MYOM3: variants seen among roughly 807,000 people sequenced by gnomAD.
The protein encoded by MYOM3 is myomesin-3.
Under a neutral mutation model 191.7 loss-of-function variants are expected in MYOM3, and 155 were observed. The ratio of observed to expected loss-of-function variants is 0.81; its 90% CI spans 0.71 to 0.92. MYOM3 has a LOEUF of 0.92. Among genes scored for constraint, MYOM3 ranks in the 40% least tolerant of loss-of-function variants. MYOM3 has a pLI of 0.00. For missense variants in MYOM3, 1,889 were observed against 1,890.6 expected, an observed-to-expected ratio of 1.00 and a Z score of 0.02; for synonymous variants, 757 against 762.9, an observed-to-expected ratio of 0.99 and a Z score of 0.13.
At chr1:24,082,890 G>T in intron 16 of MYOM3, 176 bp from the exon 17 acceptor site, 1 of 659,162 alleles carries the variant, frequency 1.5e-6, no homozygotes, top group Non-Finnish European at 2.4e-6. Context: ...AGATGACACC[G>T]TGGAGGGGGT....
At chr1:24,082,861 G>T in intron 16 of MYOM3, 147 bp from the exon 17 acceptor site, 1 of 984,368 alleles carries the variant, frequency 1.0e-6, no homozygotes, top group Non-Finnish European at 1.4e-6. Flanking sequence ...TATTGCCCTT[G>T]ATCCCATGGC....
chr1:24,082,336 G>T, intron 17 of MYOM3, 148 bp from the exon 18 acceptor site: 1 of 873,046 alleles, frequency 1.1e-6, no homozygotes, highest in Non-Finnish European at 1.7e-6. Flanking sequence ...CTGTGCCTCA[G>T]GAGGGCATCG....
At chr1:24,095,274 C>T (rs1192933334) in intron 8 of MYOM3, among the ~76,000 whole-genome samples, 168 bp downstream of exon 8, 1 of 152,134 alleles carries the variant, frequency 6.6e-6, no homozygotes, top group African/African-American at 2.4e-5. Context: ...TCTGGGGTAC[C>T]CTGCGGCCTT....
intron 5 of MYOM3, among the ~76,000 whole-genome samples, chr1:24,104,700 C>T (rs1643967924): frequency 6.6e-6 from 1 of 152,168 alleles, no homozygotes. Flanking sequence ...CAGGTGCAGG[C>T]CACATGCCCA....
chr1:24,074,180 C>T lies in MYOM3; in HGVS notation c.2948G>A (p.Ser983Asn). The change falls in exon 23 of 37, where the codon AGC becomes AAC. Residue 983 changes from serine to asparagine, a missense_variant. Physicochemically the swap from Ser to Asn is conservative, Grantham distance 46 (BLOSUM62 1). Transcript: ENST00000374434. ...VTDADEDISA[S>N]HTLTEEELEK... ...ATTACCTTCCTCGGTTAGCGTGTGG[C>T]TTGCGGAGATGTCTTCATCGGCATC... The T allele has an allele frequency of 6.2e-7, 1 of 1,613,856 alleles. No individual in the cohort carries two copies. The highest frequency in any genetic ancestry group is 8.5e-7 in the Non-Finnish European group (1 of 1,179,836).
intron 24 of MYOM3, among the ~76,000 whole-genome samples, chr1:24,071,460 T>C (rs1643531283): frequency 1.3e-5 from 2 of 152,192 alleles, no homozygotes; most frequent in South Asian, 4.1e-4. Flanking sequence ...TTTCCTCTTC[T>C]AAGAGCTCTG....
chr1:24,092,815 GC>G, intron 10 of MYOM3, 131 bp downstream of exon 10: 1 of 940,306 alleles, frequency 1.1e-6, no homozygotes, highest in African/African-American at 1.7e-5. Flanking sequence ...CCAACCCAAA[GC>G]CCTGATTTTA....
intron 21 of MYOM3, 144 bp downstream of exon 21, chr1:24,076,015 C>T: frequency 1.6e-6 from 1 of 626,250 alleles, no homozygotes; most frequent in Non-Finnish European, 2.8e-6. Flanking sequence ...GGGATGATGA[C>T]CCCTCCCTCA....
Position 24,097,984 on chromosome 1 carries a change from G to A in MYOM3, c.684C>T (p.Tyr228=). 1.2e-6 allele frequency: 2 copies of A among 1,613,652 alleles called. No individual in the cohort carries two copies. The highest frequency in any genetic ancestry group is 1.7e-6 in the Non-Finnish European group (2 of 1,179,510). The change falls in exon 7 of 37, where the codon TAC becomes TAT. Residue 228 remains tyrosine, a synonymous_variant. Transcript: ENST00000374434. ...RRCAIEDSAT[Y]TVRVKNAHGQ... is the part of the protein sequence containing the mutation. Reference sequence around the variant, plus strand: ...CGTGGGCGTTCTTCACTCGCACAGTGTAAGTTGCTGAGTCCTCAATGGCGC... The same window carrying A: ...CGTGGGCGTTCTTCACTCGCACAGTATAAGTTGCTGAGTCCTCAATGGCGC...
intron 5 of MYOM3, among the ~76,000 whole-genome samples, chr1:24,101,486 C>A (rs967271023): frequency 6.6e-6 from 1 of 152,208 alleles, no homozygotes; most frequent in Non-Finnish European, 1.5e-5. Flanking sequence ...GTGGCTCATG[C>A]CTGTAATCCC....
chr1:24,105,598 A>G (rs1037456664), intron 5 of MYOM3, among the ~76,000 whole-genome samples: 1 of 152,232 alleles, frequency 6.6e-6, no homozygotes, highest in Non-Finnish European at 1.5e-5. Flanking sequence ...GCAGCTAAGA[A>G]TAACCCAGGC....
Position 24,062,119 on chromosome 1 carries a change from A to G in MYOM3, c.3771-10T>C, listed in dbSNP as rs770751104. On this transcript the variant is annotated splice_polypyrimidine_tract_variant and intron_variant, in intron 32 of 36. Transcript: ENST00000374434. Reference sequence around the variant, plus strand: ...CTCCAGACGTTTGTCTCTGAATGTGAGGGTGGAGAAATGGTTAAGGCTGCC... The same window carrying G: ...CTCCAGACGTTTGTCTCTGAATGTGGGGGTGGAGAAATGGTTAAGGCTGCC... 2 of 1,613,606 alleles carry G rather than the reference A, an allele frequency of 1.2e-6. No homozygotes were observed. The highest frequency in any genetic ancestry group is 3.3e-5 in the Admixed American group (2 of 60,006).
At chr1:24,061,780 GCTGGTCTCACTATGTTGCCCAGA>G in intron 33 of MYOM3, among the ~76,000 whole-genome samples, 143 bp downstream of exon 33, 1 of 152,078 alleles carries the variant, frequency 6.6e-6, no homozygotes, top group East Asian at 1.9e-4. Context: ...TGTTGCCCAG[GCTGGTCTCACTATGTTGCCCAGA>G]CTGGTCTCAA....
rs763384768 is a variant in MYOM3 at position 24,068,187 on chromosome 1, G to C, written c.3295+36C>G. Reference sequence around the variant, plus strand: ...GGCCAGGTGTGCGGGGCAGGGCGGGGCAGGGCTGGGCGGGGCGAGGCTGGG... The same window carrying C: ...GGCCAGGTGTGCGGGGCAGGGCGGGCCAGGGCTGGGCGGGGCGAGGCTGGG... On this transcript the variant is annotated intron_variant, in intron 26 of 36. Transcript: ENST00000374434. 6 of 1,547,500 alleles carry C rather than the reference G, an allele frequency of 3.9e-6. No individual in the cohort carries two copies. In the South Asian group the frequency reaches 6.7e-5, roughly 17 times the overall value.
intron 19 of MYOM3, among the ~76,000 whole-genome samples, chr1:24,080,895 G>A (rs1643660546): frequency 6.6e-6 from 1 of 152,174 alleles, no homozygotes; most frequent in African/African-American, 2.4e-5. Context: ...GACTTACTGG[G>A]TTATGGGAGC....
intron 28 of MYOM3, 68 bp from the exon 29 acceptor site, chr1:24,066,069 C>T (rs745981105): frequency 1.8e-5 from 18 of 1,008,148 alleles, no homozygotes; most frequent in Non-Finnish European, 2.2e-5. Flanking sequence ...CACACCTGTG[C>T]ACACTTTCAG....
chr1:24,082,879 G>C (rs1368202600), intron 16 of MYOM3, 165 bp from the exon 17 acceptor site: 1 of 748,056 alleles, frequency 1.3e-6, no homozygotes, highest in Admixed American at 3.8e-5. Context: ...GGCAATGCCT[G>C]AGATGACACC....
At position 24,075,486 on chromosome 1, in the gene MYOM3, G is replaced by C. The variant is rs1226810745; in HGVS notation, c.2702-11C>G. 1 of 1,551,624 alleles carries C rather than the reference G, an allele frequency of 6.4e-7. No homozygotes were observed. Among genetic ancestry groups the C allele is most frequent in the Admixed American group, 2.0e-5 (1 of 49,276 alleles). On this transcript the variant is annotated splice_polypyrimidine_tract_variant and intron_variant, in intron 21 of 36. Coordinates refer to ENST00000374434, the MANE Select transcript of MYOM3 (RefSeq NM_152372.4). ...CGATCTCATGGGCACCTGAGGGCGAGATCCAACAGAGGGCAGCGGATGTTT... is the reference window on the plus strand; with the variant it reads ...CGATCTCATGGGCACCTGAGGGCGACATCCAACAGAGGGCAGCGGATGTTT...
intron 7 of MYOM3, among the ~76,000 whole-genome samples, chr1:24,097,358 GT>G (rs1557615083): frequency 1.3e-5 from 2 of 152,198 alleles, no homozygotes; most frequent in Admixed American, 6.5e-5. Flanking sequence ...GTTGTGCTCT[GT>G]GCAAAGTTAT....
Sources: gnomAD v4.1 joint callset for allele counts (sites outside exome capture counted in the v4.1 genomes callset) on GRCh38, gnomAD v4.1.1 for gene constraint, MANE v1.5 for transcripts, NCBI Gene and HGNC (gene_info 2026-07-23, HGNC 2026-07-21) for gene names.